Variants in PATJ observed in about 807,000 individuals in gnomAD.
The protein encoded by PATJ is inaD-like protein.
PATJ carries 190 observed loss-of-function variants against 224.9 expected under a neutral mutation model. That is an observed-to-expected ratio of 0.84 (90% confidence interval 0.75 to 0.95). PATJ has a LOEUF of 0.95. PATJ is among the 40% of genes least tolerant of loss of function. The pLI is 0.00. For missense variants in PATJ, 2,121 were observed against 2,270.3 expected (o/e 0.93, Z 1.34); for synonymous variants, 769 against 820.3 (o/e 0.94, Z 1.07).
At chr1:61,942,732 G>A (rs912300054) in intron 27 of PATJ, among the ~76,000 whole-genome samples, 3 of 152,040 alleles carry the variant, frequency 2.0e-5, no homozygotes, top group African/African-American at 7.2e-5. Flanking sequence ...TGTATTTTTA[G>A]TAGAGACGGG....
chr1:61,866,718 G>A (rs1665481906), intron 20 of PATJ, among the ~76,000 whole-genome samples: 1 of 152,164 alleles, frequency 6.6e-6, no homozygotes, highest in South Asian at 2.1e-4. Context: ...GATGCCAAGA[G>A]AGGGTTCTTG....
chr1:62,114,218 G>A lies in PATJ; in HGVS notation c.4627G>A (p.Gly1543Ser), dbSNP rs377151056. Residue 1543 changes from glycine to serine, a missense_variant, in exon 35 of 44, where the codon GGC becomes AGC. Physicochemically the swap from Gly to Ser is moderately conservative, Grantham distance 56 (BLOSUM62 0). Coordinates refer to ENST00000642238, the MANE Select transcript of PATJ (RefSeq NM_001350145.3). ...GGATCTGCAGAAGAAAGCTGGCCGG[G>A]GCCTGGGCCTGAGCATCGTTGGGAA... is the stretch of plus-strand genomic sequence containing the variant. ...PVDLQKKAGR[G>S]LGLSIVGKRN... The A allele has an allele frequency of 6.8e-6, 11 of 1,613,866 alleles. No individual in the cohort carries two copies. The African/African-American group carries it at 1.5e-4, about 22-fold the overall frequency.
At chr1:62,088,324 A>G (rs896546150) in intron 33 of PATJ, among the ~76,000 whole-genome samples, 1 of 152,202 alleles carries the variant, frequency 6.6e-6, no homozygotes. Context: ...AGACCAGACC[A>G]TCGTTCCCCA....
intron 26 of PATJ, among the ~76,000 whole-genome samples, chr1:61,921,005 C>T (rs1674246196): frequency 6.6e-6 from 1 of 152,120 alleles, no homozygotes; most frequent in Non-Finnish European, 1.5e-5. Context: ...CGCACCTGGC[C>T]TCTTGTATGG....
Position 61,823,703 on chromosome 1 carries a change from C to T in PATJ, c.1818+624C>T, listed in dbSNP as rs114318292. 5.1e-3 allele frequency among the ~76,000 whole-genome samples: 776 copies of T among 152,254 alleles called. 7 individuals carry two copies. The highest frequency in any genetic ancestry group is 0.017 in the African/African-American group (720 of 41,558). On this transcript the variant is annotated intron_variant, in intron 15 of 43. Transcript: ENST00000642238. ...AATAGAATCAACCTAGTAGCTTTAGCCAAGATCAGAATCCCATGGGCCTTG... is the reference window on the plus strand; with the variant it reads ...AATAGAATCAACCTAGTAGCTTTAGTCAAGATCAGAATCCCATGGGCCTTG...
At chr1:61,749,110 G>T (rs1645183974) in intron 1 of PATJ, among the ~76,000 whole-genome samples, 1 of 151,110 alleles carries the variant, frequency 6.6e-6, no homozygotes, top group African/African-American at 2.4e-5. Context: ...CCAAGTAGCT[G>T]GGATTCAGGT....
Position 61,999,522 on chromosome 1 carries a change from G to A in PATJ, c.3867+9158G>A, listed in dbSNP as rs1170878286. On this transcript the variant is annotated intron_variant, in intron 28 of 43. Transcript: ENST00000642238. ...ATCTCTACTAAAAATACAAAAATTAGCCAAAAATGGTGGTACACAGCTGTA... is the reference window on the plus strand; with the variant it reads ...ATCTCTACTAAAAATACAAAAATTAACCAAAAATGGTGGTACACAGCTGTA... Among the ~76,000 whole-genome samples, 3 of 152,000 alleles carry A rather than the reference G, an allele frequency of 2.0e-5. No individual in the cohort carries two copies. In the East Asian group the frequency reaches 5.8e-4, roughly 29 times the overall value.
intron 27 of PATJ, among the ~76,000 whole-genome samples, chr1:61,937,984 C>T (rs1185907320): frequency 6.6e-6 from 1 of 152,110 alleles, no homozygotes; most frequent in Non-Finnish European, 1.5e-5. Context: ...TGAATCTCTT[C>T]TAAACTGGTG....
chr1:61,906,285 C>T (rs1211604691), intron 24 of PATJ, among the ~76,000 whole-genome samples: 1 of 152,174 alleles, frequency 6.6e-6, no homozygotes, highest in Non-Finnish European at 1.5e-5. Context: ...CTCATCAAAT[C>T]TTGTTGTTCA....
chr1:61,840,130 A>G (rs1020203352), intron 17 of PATJ, among the ~76,000 whole-genome samples: 1 of 152,000 alleles, frequency 6.6e-6, no homozygotes, highest in African/African-American at 2.4e-5. Context: ...ATGCCTTAGT[A>G]TTTGTGCAAA....
intron 19 of PATJ, among the ~76,000 whole-genome samples, chr1:61,862,999 A>G (rs1266966969): frequency 6.6e-6 from 1 of 151,698 alleles, no homozygotes; most frequent in Non-Finnish European, 1.5e-5. Flanking sequence ...CATTAAAAAA[A>G]AAATACAGGG....
intron 27 of PATJ, among the ~76,000 whole-genome samples, chr1:61,976,941 A>G (rs1644168042): frequency 6.6e-6 from 1 of 152,080 alleles, no homozygotes; most frequent in Admixed American, 6.5e-5. Flanking sequence ...ATATAACTAT[A>G]ATACCATTAA....
intron 20 of PATJ, among the ~76,000 whole-genome samples, chr1:61,871,830 C>T (rs528362689): frequency 6.7e-6 from 1 of 149,722 alleles, no homozygotes; most frequent in East Asian, 2.0e-4. Context: ...TCCCAAAGTG[C>T]TGGGATTACA....
At chr1:61,853,791 A>G (rs1232095488) in intron 17 of PATJ, among the ~76,000 whole-genome samples, 1 of 152,152 alleles carries the variant, frequency 6.6e-6, no homozygotes, top group Non-Finnish European at 1.5e-5. Flanking sequence ...CTCTACTTGA[A>G]AATACTGGTG....
intron 31 of PATJ, among the ~76,000 whole-genome samples, chr1:62,076,245 C>CA (rs916116015): frequency 4.6e-5 from 7 of 151,640 alleles, no homozygotes; most frequent in East Asian, 1.9e-4. Context: ...AAACAAAAAA[C>CA]AAAAAAAACC....
At chr1:61,772,214 G>A (rs10443256) in intron 6 of PATJ, among the ~76,000 whole-genome samples, 1 of 150,792 alleles carries the variant, frequency 6.6e-6, no homozygotes, top group Non-Finnish European at 1.5e-5. Context: ...TAGTGATGGA[G>A]AGTCTTGTAT....
chr1:62,088,916 T>C (rs1030031037), intron 33 of PATJ, among the ~76,000 whole-genome samples: 36 of 150,236 alleles, frequency 2.4e-4, no homozygotes, highest in African/African-American at 8.8e-4. Flanking sequence ...CCCTGAACAT[T>C]GGGTGATGGC....
chr1:61,758,647 C>T (rs1645787439), intron 1 of PATJ, among the ~76,000 whole-genome samples: 1 of 152,124 alleles, frequency 6.6e-6, no homozygotes, highest in Non-Finnish European at 1.5e-5. Context: ...ACGCCCGGCC[C>T]TACTGTAGTT....
rs1380607987 is a variant in PATJ, at chr1:62,073,151, G to A, written c.4126-6299G>A. Reference sequence around the variant, plus strand: ...TCTGGGGTTGCGTGCGTTATAGACCGGGTTCCAAAAGAAAAGGAGGTGATT... The same window carrying A: ...TCTGGGGTTGCGTGCGTTATAGACCAGGTTCCAAAAGAAAAGGAGGTGATT... On this transcript the variant is annotated intron_variant, in intron 31 of 43. Coordinates refer to ENST00000642238, the MANE Select transcript of PATJ (RefSeq NM_001350145.3). 9.1e-6 allele frequency: 9 copies of A among 985,174 alleles called. No individual in the cohort carries two copies. The Admixed American group carries it at 1.8e-4, about 20-fold the overall frequency. 61.0% of individuals were successfully genotyped at this position (985,174 alleles called of 1,614,324 possible).
Sources: gnomAD v4.1 joint callset for allele counts (sites outside exome capture counted in the v4.1 genomes callset) on GRCh38, gnomAD v4.1.1 for gene constraint, MANE v1.5 for transcripts, NCBI Gene and HGNC (gene_info 2026-07-23, HGNC 2026-07-21) for gene names.